The following BRINP3 variants were observed in gnomAD, a reference collection of about 807,000 sequenced individuals.
BRINP3 encodes BMP/retinoic acid inducible neural specific 3.
BRINP3 carries 19 observed loss-of-function variants against 71.0 expected under a neutral mutation model. The observed-to-expected ratio is 0.27, with a 90% CI of 0.19 to 0.39. The LOEUF is 0.39. Ranked by LOEUF, BRINP3 falls within the 10% of genes least tolerant of loss-of-function variation. The pLI is 1.00. For synonymous variants in BRINP3, 380 were observed against 337.7 expected (o/e 1.13, Z -1.37); for missense variants, 959 against 940.8 (o/e 1.02, Z -0.25).
Position 190,240,827 on chromosome 1 carries a change from G to A in BRINP3, c.619-6350C>T, listed in dbSNP as rs904628779. Among the ~76,000 whole-genome samples, 16 of 122,702 alleles carry A rather than the reference G, an allele frequency of 1.3e-4. 1 individual carries two copies. The highest frequency in any genetic ancestry group is 8.0e-4 in the East Asian group (3 of 3,728). 80.5% of individuals were successfully genotyped at this position (122,702 alleles called of 152,430 possible). A position where few individuals can be genotyped will look rare whatever the true frequency, so the allele number is the denominator to read the frequency against. The stretch of plus-strand genomic sequence containing the variant: ...GCGGAGATTGCAGTGAGCTGGGATC[G>A]CTCTATTGCACTCCATCCTGGGCAA... On this transcript the variant is annotated intron_variant, in intron 4 of 7. Transcript: ENST00000367462.
intron 6 of BRINP3, among the ~76,000 whole-genome samples, chr1:190,225,745 C>G (rs1033117609): frequency 1.3e-5 from 2 of 151,880 alleles, no homozygotes; most frequent in African/African-American, 4.8e-5. Context: ...TTTTGCTGCA[C>G]AAGAGAAAAG....
intron 1 of BRINP3, among the ~76,000 whole-genome samples, chr1:190,456,732 A>G (rs1676017228): frequency 1.3e-5 from 2 of 152,010 alleles, no homozygotes; most frequent in East Asian, 1.9e-4. Context: ...TTTGCTTATC[A>G]TATACATTTA....
intron 1 of BRINP3, among the ~76,000 whole-genome samples, chr1:190,461,201 G>C (rs1362351060): frequency 6.6e-6 from 1 of 152,004 alleles, no homozygotes; most frequent in African/African-American, 2.4e-5. Context: ...TTATGTATAT[G>C]TGCCAGGAGA....
chr1:190,398,912 C>A (rs1671751076), intron 2 of BRINP3, among the ~76,000 whole-genome samples: 2 of 151,772 alleles, frequency 1.3e-5, no homozygotes, highest in South Asian at 4.2e-4. Context: ...TTTTTTGATC[C>A]ATCTCTTCCC....
chr1:190,136,790 T>C (rs968873357), intron 7 of BRINP3, among the ~76,000 whole-genome samples: 1 of 152,068 alleles, frequency 6.6e-6, no homozygotes, highest in African/African-American at 2.4e-5. Context: ...GAAGCAAATG[T>C]AAACCTAGAA....
rs565739640 is a variant in BRINP3 at position 190,256,469 on chromosome 1, G to A, written c.618+8396C>T. Among the ~76,000 whole-genome samples, 443 of 152,216 alleles carry A rather than the reference G, an allele frequency of 2.9e-3. 2 individuals are homozygous for A. Among genetic ancestry groups the A allele is most frequent in the Admixed American group, 6.2e-3 (94 of 15,278 alleles). Reference sequence around the variant, plus strand: ...TTGCCACTCTGTGTTTTTAATTGGGGCATTTAGCCCATTTATATTTAAGGT... The same window carrying A: ...TTGCCACTCTGTGTTTTTAATTGGGACATTTAGCCCATTTATATTTAAGGT... On this transcript the variant is annotated intron_variant, in intron 4 of 7. Coordinates refer to ENST00000367462, the MANE Select transcript of BRINP3 (RefSeq NM_199051.3).
chr1:190,109,505 T>C (rs1652484477), intron 7 of BRINP3, among the ~76,000 whole-genome samples: 1 of 152,126 alleles, frequency 6.6e-6, no homozygotes, highest in South Asian at 2.1e-4. Context: ...GATGGCTAAG[T>C]TTTGGTGTCA....
At chr1:190,246,403 C>T (rs200433181) in intron 4 of BRINP3, among the ~76,000 whole-genome samples, 1 of 151,278 alleles carries the variant, frequency 6.6e-6, no homozygotes, top group African/African-American at 2.4e-5. Context: ...TGGGGTCATT[C>T]GGTTATAAAA....
intron 1 of BRINP3, 89 bp from the exon 2 acceptor site, chr1:190,455,029 T>C (rs1041000368): frequency 2.8e-5 from 17 of 597,982 alleles, no homozygotes; most frequent in African/African-American, 2.8e-4. Context: ...TAAATTTTAA[T>C]CTAATATCAT....
intron 2 of BRINP3, among the ~76,000 whole-genome samples, chr1:190,425,720 C>T (rs1673660959): frequency 6.6e-6 from 1 of 151,758 alleles, no homozygotes; most frequent in Non-Finnish European, 1.5e-5. Context: ...TGCACAACAG[C>T]TAAGTTGGCA....
chr1:190,196,920 T>A (rs926701721), intron 6 of BRINP3, among the ~76,000 whole-genome samples: 2 of 149,598 alleles, frequency 1.3e-5, no homozygotes, highest in African/African-American at 4.9e-5. Context: ...ATCGTTATTA[T>A]AAATAATAAA....
intron 2 of BRINP3, among the ~76,000 whole-genome samples, chr1:190,365,060 T>A (rs989717014): frequency 2.0e-5 from 3 of 152,130 alleles, no homozygotes; most frequent in African/African-American, 7.2e-5. Flanking sequence ...ATCCCTAAAA[T>A]CAAATATGCC....
intron 3 of BRINP3, among the ~76,000 whole-genome samples, chr1:190,268,790 A>G (rs564619272): frequency 2.0e-5 from 3 of 152,262 alleles, no homozygotes; most frequent in South Asian, 4.1e-4. Flanking sequence ...AATGGATTAG[A>G]TCACACCATT....
chr1:190,171,520 T>C (rs1652007645), intron 6 of BRINP3, among the ~76,000 whole-genome samples: 1 of 152,170 alleles, frequency 6.6e-6, no homozygotes, highest in South Asian at 2.1e-4. Context: ...GATTTCCTTA[T>C]GAATAAAGAT....
chr1:190,289,711 T>G (rs1307166947), intron 2 of BRINP3, among the ~76,000 whole-genome samples: 1 of 151,962 alleles, frequency 6.6e-6, no homozygotes, highest in Admixed American at 6.6e-5. Context: ...TTTTGGGGAT[T>G]TATATAATAT....
At chr1:190,177,656 A>G (rs1345352267) in intron 6 of BRINP3, among the ~76,000 whole-genome samples, 1 of 152,200 alleles carries the variant, frequency 6.6e-6, no homozygotes, top group Admixed American at 6.5e-5. Context: ...TACAATACCA[A>G]TACCCCATAA....
At chr1:190,461,987 C>T (rs1317866156) in intron 1 of BRINP3, among the ~76,000 whole-genome samples, 2 of 152,042 alleles carry the variant, frequency 1.3e-5, no homozygotes, top group East Asian at 1.9e-4. Flanking sequence ...CGATCTCAGT[C>T]GCTGCAACCT....
intron 2 of BRINP3, among the ~76,000 whole-genome samples, chr1:190,339,058 C>T (rs907166635): frequency 6.7e-6 from 1 of 149,536 alleles, no homozygotes; most frequent in African/African-American, 2.5e-5. Flanking sequence ...ATAAAACAAT[C>T]TTTTTTCTTC....
intron 7 of BRINP3, among the ~76,000 whole-genome samples, chr1:190,158,249 G>A (rs754550317): frequency 6.6e-6 from 1 of 152,018 alleles, no homozygotes; most frequent in Non-Finnish European, 1.5e-5. Context: ...TTTGCCTGCT[G>A]CCATTCATGT....
Sources: gnomAD v4.1 joint callset for allele counts (sites outside exome capture counted in the v4.1 genomes callset) on GRCh38, gnomAD v4.1.1 for gene constraint, MANE v1.5 for transcripts, NCBI Gene and HGNC (gene_info 2026-07-23, HGNC 2026-07-21) for gene names.